Variants in SHISAL2A observed in about 807,000 individuals in gnomAD.
The protein encoded by SHISAL2A is shisa like 2A, also known as protein shisa-like-2A.
SHISAL2A carries 18 observed loss-of-function variants against 11.5 expected under a neutral mutation model. The ratio of observed to expected loss-of-function variants is 1.57; its 90% CI spans 1.08 to 2.33. The LOEUF (loss-of-function observed/expected upper bound fraction) is 2.33, where lower values mean the gene tolerates loss of function less well. Ranked by LOEUF, SHISAL2A falls within the 30% of genes most tolerant of loss-of-function variation. The probability of loss-of-function intolerance (pLI) is 0.00; values close to 1 mark genes in which losing one functional copy is unlikely to be tolerated. For synonymous variants in SHISAL2A, 94 were observed against 99.6 expected (o/e 0.94, Z 0.34); for missense variants, 261 against 250.9 (o/e 1.04, Z -0.27).
intron 1 of SHISAL2A, among the ~76,000 whole-genome samples, chr1:52,637,942 C>T (rs968708022): frequency 2.6e-5 from 4 of 152,136 alleles, no homozygotes; most frequent in Non-Finnish European, 5.9e-5. Context: ...TCTAACTTCA[C>T]TGAAAGATAT....
intron 4 of SHISAL2A, among the ~76,000 whole-genome samples, chr1:52,666,484 A>G (rs1692015536): frequency 6.6e-6 from 1 of 152,028 alleles, no homozygotes; most frequent in Non-Finnish European, 1.5e-5. Context: ...AATGCAGTGT[A>G]CCACCAAGAT....
intron 2 of SHISAL2A, among the ~76,000 whole-genome samples, chr1:52,650,932 A>G (rs888988330): frequency 6.7e-6 from 1 of 149,364 alleles, no homozygotes; most frequent in South Asian, 2.1e-4. Context: ...GGCATGAGCC[A>G]CCACGCCTGG....
At position 52,633,219 on chromosome 1, in the gene SHISAL2A, C is replaced by T. The variant is rs114150764; in HGVS notation, c.-275C>T. ...GCCCAGCTCCCCGCGTCCGCTCCGG[C>T]TCCTGCCGCGTTCCAGCAGCCGTCA... On this transcript the variant is annotated 5_prime_UTR_variant, in exon 1 of 3. Coordinates refer to ENST00000517870, the MANE Select transcript of SHISAL2A (RefSeq NM_001042693.3). This position sits in a 1 kb window ranked among gnomAD's most constrained non-coding sequence, Gnocchi z 6.4. The T allele has an allele frequency of 0.11, 30,920 of 283,384 alleles. 2,013 individuals are homozygous for T. The highest frequency in any genetic ancestry group is 0.17 in the African/African-American group (7,597 of 45,004). The allele number at this position is 283,384 out of a possible 1,614,324, so 17.6% of individuals were successfully genotyped here.
intron 1 of SHISAL2A, among the ~76,000 whole-genome samples, chr1:52,637,780 G>GAACT (rs1181848075): frequency 6.6e-6 from 1 of 152,154 alleles, no homozygotes; most frequent in African/African-American, 2.4e-5. Context: ...TTTGAACTTA[G>GAACT]AACTACCTGA....
chr1:52,664,793 G>A (rs915672615), intron 4 of SHISAL2A, among the ~76,000 whole-genome samples: 5 of 151,718 alleles, frequency 3.3e-5, no homozygotes, highest in African/African-American at 7.3e-5. Flanking sequence ...GCTGCACCCC[G>A]GCTATTTTTA....
chr1:52,635,463 G>A (rs1473316898), intron 1 of SHISAL2A, among the ~76,000 whole-genome samples: 1 of 151,974 alleles, frequency 6.6e-6, no homozygotes, highest in African/African-American at 2.4e-5. Context: ...GGATAAAATC[G>A]TAGGGGATCA....
At chr1:52,642,579 C>T (rs1415078303) in intron 1 of SHISAL2A, among the ~76,000 whole-genome samples, 1 of 152,024 alleles carries the variant, frequency 6.6e-6, no homozygotes, top group Non-Finnish European at 1.5e-5. Context: ...ATTACAGGAG[C>T]CCACTACCAC....
chr1:52,662,737 G>A lies in SHISAL2A; in HGVS notation n.695+3157G>A, dbSNP rs115672606. ...CTAGCCCCACCTTCAGCCATAGTCC[G>A]CTAACCAACAGACTATCTTTTGTGT... On this transcript the variant is annotated intron_variant and non_coding_transcript_variant, in intron 4 of 5. Transcript: ENST00000401050. Among the ~76,000 whole-genome samples, 301 of 152,060 alleles carry A rather than the reference G, an allele frequency of 2.0e-3. 2 individuals are homozygous for A. The highest frequency in any genetic ancestry group is 6.9e-3 in the African/African-American group (288 of 41,486).
intron 4 of SHISAL2A, among the ~76,000 whole-genome samples, chr1:52,665,191 C>T (rs1056565866): frequency 2.0e-5 from 3 of 152,210 alleles, no homozygotes. Flanking sequence ...GAAAGATCTC[C>T]TAGATTTCTT....
At chr1:52,649,340 T>C (rs1691573532) in intron 2 of SHISAL2A, among the ~76,000 whole-genome samples, 3 of 152,156 alleles carry the variant, frequency 2.0e-5, no homozygotes, top group South Asian at 4.1e-4. Context: ...TAAGTCCACA[T>C]AGCCAGTGAG....
At chr1:52,638,317 A>C (rs562624988) in intron 1 of SHISAL2A, among the ~76,000 whole-genome samples, 2 of 95,074 alleles carry the variant, frequency 2.1e-5, no homozygotes, top group East Asian at 9.7e-4. Flanking sequence ...CTTTCTATCC[A>C]GGAACCCAGA....
chr1:52,656,655 C>A (rs918555714), intron 2 of SHISAL2A, 135 bp from the exon 3 acceptor site: 1 of 915,564 alleles, frequency 1.1e-6, no homozygotes, highest in Non-Finnish European at 1.7e-6. Context: ...TTAATAAATA[C>A]ATGTTAAACA....
At chr1:52,645,896 G>C (rs1691490064) in intron 2 of SHISAL2A, among the ~76,000 whole-genome samples, 1 of 152,144 alleles carries the variant, frequency 6.6e-6, no homozygotes, top group South Asian at 2.1e-4. Flanking sequence ...TTAATCTAGA[G>C]GCATACAGGT....
chr1:52,640,172 TG>T (rs1374193779), intron 1 of SHISAL2A: 2 of 152,290 alleles, frequency 1.3e-5, no homozygotes, highest in East Asian at 3.9e-4. Flanking sequence ...TATTTAGCCA[TG>T]GGAAGGCAGA....
intron 2 of SHISAL2A, among the ~76,000 whole-genome samples, chr1:52,654,449 G>T (rs573802718): frequency 6.6e-6 from 1 of 152,214 alleles, no homozygotes; most frequent in South Asian, 2.1e-4. Flanking sequence ...TTGGAGGAGG[G>T]ACAGACACAT....
intron 4 of SHISAL2A, among the ~76,000 whole-genome samples, chr1:52,662,575 T>A (rs113785868): frequency 0.017 from 2,568 of 151,264 alleles, 35 homozygotes; most frequent in Non-Finnish European, 0.026. Context: ...GGTCTTGAAC[T>A]CCAGACCTCA....
At chr1:52,638,502 A>G (rs1283718572) in intron 1 of SHISAL2A, among the ~76,000 whole-genome samples, 1 of 152,226 alleles carries the variant, frequency 6.6e-6, no homozygotes, top group East Asian at 1.9e-4. Flanking sequence ...GAAAAGAGAA[A>G]GAAGTCATGA....
chr1:52,649,370 A>G (rs896516633), intron 2 of SHISAL2A, among the ~76,000 whole-genome samples: 1 of 152,182 alleles, frequency 6.6e-6, no homozygotes. Flanking sequence ...CTGCGATGTC[A>G]ACCCAGATCT....
In SHISAL2A at chr1:52,650,314, G is replaced by A. The variant is rs150637388; in HGVS notation, c.323-6476G>A. On this transcript the variant is annotated intron_variant, in intron 2 of 2. Transcript: ENST00000517870. ...GAGAACCCCAGGTAATGGGGGACTG[G>A]CCACGGAGGTCCTTGGAGAAAGGAG... Among the ~76,000 whole-genome samples the A allele has an allele frequency of 2.1e-3, 327 of 152,322 alleles. 2 individuals are homozygous for A. Among genetic ancestry groups the A allele is most frequent in the Middle Eastern group, 6.8e-3 (2 of 294 alleles).
Sources: gnomAD v4.1 joint callset for allele counts (sites outside exome capture counted in the v4.1 genomes callset) on GRCh38, gnomAD v4.1.1 for gene constraint, Gnocchi (gnomAD v3.1) non-coding constraint, MANE v1.5 for transcripts, NCBI Gene and HGNC (gene_info 2026-07-23, HGNC 2026-07-21) for gene names.